Variants in ZFYVE28 observed in about 807,000 individuals in gnomAD.
The protein encoded by ZFYVE28 is zinc finger FYVE-type containing 28.
A neutral mutation model predicts 82.1 loss-of-function variants in ZFYVE28; 40 were observed. The ratio of observed to expected loss-of-function variants is 0.49; its 90% CI spans 0.38 to 0.63. The LOEUF is 0.63. Among genes scored for constraint, ZFYVE28 ranks in the 30% least tolerant of loss-of-function variants. The pLI, the probability that ZFYVE28 is intolerant of heterozygous loss-of-function variation, is 0.00. For missense variants in ZFYVE28, 1,321 were observed against 1,242.1 expected, an observed-to-expected ratio of 1.06 and a Z score of -0.96; for synonymous variants, 612 against 546.1, an observed-to-expected ratio of 1.12 and a Z score of -1.68.
intron 8 of ZFYVE28, among the ~76,000 whole-genome samples, chr4:2,282,895 T>C (rs1356207192): frequency 3.9e-5 from 6 of 152,046 alleles, no homozygotes; most frequent in Admixed American, 2.6e-4. Flanking sequence ...CTGCGTAACA[T>C]AGCAAGACTC....
rs910101629 is a variant in ZFYVE28 at position 2,416,564 on chromosome 4, A to G, written c.39+1721T>C. 5.9e-5 allele frequency among the ~76,000 whole-genome samples: 9 copies of G among 152,210 alleles called. No homozygotes were observed. The highest frequency in any genetic ancestry group is 1.2e-4 in the Non-Finnish European group (8 of 68,036). On this transcript the variant is annotated intron_variant, in intron 1 of 12. Coordinates refer to ENST00000290974, the MANE Select transcript of ZFYVE28 (RefSeq NM_020972.3). This position sits in a 1 kb window ranked among gnomAD's most constrained non-coding sequence, Gnocchi z 4.6. The stretch of plus-strand genomic sequence containing the variant: ...GGAAAAGTCACTGGAACCAAACACC[A>G]TTCATACAGCTATCCAGAGCGGAGG...
At chr4:2,298,367 T>A (rs1714978546) in intron 8 of ZFYVE28, among the ~76,000 whole-genome samples, 2 of 152,162 alleles carry the variant, frequency 1.3e-5, no homozygotes, top group South Asian at 4.1e-4. Flanking sequence ...ATGACAAAAC[T>A]GAGGCTCAGG....
At chr4:2,396,148 ACC>A in intron 1 of ZFYVE28, among the ~76,000 whole-genome samples, 1 of 64,404 alleles carries the variant, frequency 1.6e-5, no homozygotes, top group Non-Finnish European at 3.6e-5. Context: ...AGCTGATGGG[ACC>A]AGCCATCCTG....
At chr4:2,353,295 C>T (rs1270267504) in intron 2 of ZFYVE28, among the ~76,000 whole-genome samples, 1 of 152,152 alleles carries the variant, frequency 6.6e-6, no homozygotes, top group Non-Finnish European at 1.5e-5. Context: ...GTGATAGACT[C>T]CCCCCTGTTG....
At chr4:2,329,441 A>T (rs1488769955) in intron 6 of ZFYVE28, among the ~76,000 whole-genome samples, 1 of 152,246 alleles carries the variant, frequency 6.6e-6, no homozygotes. Context: ...AGCCTTAAAA[A>T]GGTAGGAAAT....
chr4:2,319,246 T>C (rs918330087), intron 7 of ZFYVE28, among the ~76,000 whole-genome samples: 1 of 152,012 alleles, frequency 6.6e-6, no homozygotes, highest in African/African-American at 2.4e-5. Context: ...AACCTCCAGG[T>C]CCAGGGCTCA....
chr4:2,391,801 T>A (rs187609545), intron 1 of ZFYVE28, among the ~76,000 whole-genome samples: 191 of 149,970 alleles, frequency 1.3e-3, no homozygotes, highest in African/African-American at 4.4e-3. Context: ...AGTGGTGTGA[T>A]CTCAGCTCAC....
chr4:2,352,585 G>A (rs1560263806), intron 2 of ZFYVE28, among the ~76,000 whole-genome samples: 1 of 152,046 alleles, frequency 6.6e-6, no homozygotes, highest in Non-Finnish European at 1.5e-5. Flanking sequence ...AAAGACCCCA[G>A]CAGCAAGGAG....
chr4:2,298,647 A>G (rs1715019572), intron 8 of ZFYVE28, among the ~76,000 whole-genome samples: 1 of 152,192 alleles, frequency 6.6e-6, no homozygotes, highest in Non-Finnish European at 1.5e-5. Context: ...GATGCTGAGC[A>G]CGGTGGACAA....
At chr4:2,333,434 T>C (rs1721047542) in intron 6 of ZFYVE28, among the ~76,000 whole-genome samples, 1 of 150,478 alleles carries the variant, frequency 6.6e-6, no homozygotes, top group Non-Finnish European at 1.5e-5. Flanking sequence ...ATGATACTGG[T>C]TGGGGGAAGT....
intron 1 of ZFYVE28, among the ~76,000 whole-genome samples, chr4:2,406,062 A>AAAGAAAG (rs1553867782): frequency 8.6e-4 from 107 of 125,072 alleles, no homozygotes; most frequent in African/African-American, 1.2e-3. Context: ...AAAAAAAAAA[A>AAAGAAAG]AAAGAAAGAA....
intron 1 of ZFYVE28, among the ~76,000 whole-genome samples, chr4:2,411,966 G>A (rs1732565381): frequency 6.6e-6 from 1 of 152,210 alleles, no homozygotes. Flanking sequence ...GCCCACACCG[G>A]CTGCAGTCAG....
chr4:2,283,704 G>T (rs1712310390), intron 8 of ZFYVE28, among the ~76,000 whole-genome samples: 1 of 152,212 alleles, frequency 6.6e-6, no homozygotes, highest in African/African-American at 2.4e-5. Flanking sequence ...AGATCAATAG[G>T]TGAACAGTTA....
chr4:2,271,264 A>G (rs780695962), intron 12 of ZFYVE28, 47 bp downstream of exon 12: 28 of 1,571,408 alleles, frequency 1.8e-5, no homozygotes, highest in Non-Finnish European at 2.4e-5. Flanking sequence ...CTGTCCGTGG[A>G]CGCCCTTGGA....
intron 7 of ZFYVE28, among the ~76,000 whole-genome samples, 198 bp from the exon 8 acceptor site, chr4:2,305,734 C>T (rs566806842): frequency 2.6e-5 from 4 of 152,332 alleles, no homozygotes; most frequent in South Asian, 4.1e-4. Context: ...GCCAGGACAA[C>T]GGTGTTCAAG....
chr4:2,363,392 C>G (rs1285629612), intron 1 of ZFYVE28, among the ~76,000 whole-genome samples: 2 of 152,170 alleles, frequency 1.3e-5, no homozygotes, highest in African/African-American at 4.8e-5. Context: ...GGGACTGTAA[C>G]AGCTTGAGTT....
chr4:2,346,443 G>A (rs1399128735), intron 2 of ZFYVE28, among the ~76,000 whole-genome samples: 2 of 151,816 alleles, frequency 1.3e-5, no homozygotes, highest in Admixed American at 1.3e-4. Flanking sequence ...AGAGACCACT[G>A]GAAATGGTGA....
rs375345427 is a variant in ZFYVE28 at position 2,271,356 on chromosome 4, G to T, written c.2487C>A (p.Pro829=). ...GGTGCTTCCGGCGGATGACGGTGAA[G>T]GGTGCTTTGCACGCCGTGCAGAAGC... ...ACGFCTACKA[P]FTVIRRKHHC... is the part of the protein sequence containing the mutation. Residue 829 remains proline (P), a synonymous_variant, in exon 12 of 13, where the codon CCC becomes CCA. Coordinates refer to ENST00000290974, the MANE Select transcript of ZFYVE28 (RefSeq NM_020972.3). The T allele has an allele frequency of 1.2e-6, 2 of 1,612,810 alleles. No homozygotes were observed. Among genetic ancestry groups the T allele is most frequent in the East Asian group, 2.2e-5 (1 of 44,880 alleles).
At position 2,305,489 on chromosome 4, in the gene ZFYVE28, C is replaced by T. The variant is rs373637335; in HGVS notation, c.851G>A (p.Arg284Gln). 4.1e-5 allele frequency: 66 copies of T among 1,612,960 alleles called. No individual in the cohort carries two copies. In the Middle Eastern group the frequency reaches 4.9e-4, roughly 12 times the overall value. The change falls in exon 8 of 13, where the codon CGG becomes CAG. Residue 284 changes from arginine (R) to glutamine (Q), a missense_variant. Physicochemically the swap from Arg to Gln is conservative, Grantham distance 43 (BLOSUM62 1). Transcript: ENST00000290974. ...CACGTCTTGGGAAATGCAGAGGTTC[C>T]GTTCCAGCGTGTGCAGCTCCTCCTC... is the stretch of plus-strand genomic sequence containing the variant. The part of the protein sequence containing the change: ...LTEEELHTLE[R>Q]NLCISQDVEF...
Sources: gnomAD v4.1 joint callset for allele counts (sites outside exome capture counted in the v4.1 genomes callset) on GRCh38, gnomAD v4.1.1 for gene constraint, Gnocchi (gnomAD v3.1) non-coding constraint, MANE v1.5 for transcripts, NCBI Gene and HGNC (gene_info 2026-07-23, HGNC 2026-07-21) for gene names.